RYR3: variants seen among roughly 807,000 people sequenced by gnomAD.
RYR3 encodes ryanodine receptor 3.
A neutral mutation model predicts 584.3 loss-of-function variants in RYR3; 207 were observed. The observed-to-expected ratio is 0.35, with a 90% CI of 0.32 to 0.40. The LOEUF (loss-of-function observed/expected upper bound fraction) is 0.40. Ranked by LOEUF, RYR3 falls within the 10% of genes least tolerant of loss-of-function variation. The pLI, the probability that RYR3 is intolerant of heterozygous loss-of-function variation, is 1.00. For missense variants in RYR3, 5,616 were observed against 6,089.2 expected, an observed-to-expected ratio of 0.92 and a Z score of 2.59; for synonymous variants, 2,416 against 2,248.5, an observed-to-expected ratio of 1.07 and a Z score of -2.11.
At chr15:33,840,965 C>A in intron 90 of RYR3, 82 bp downstream of exon 90, 1 of 1,289,498 alleles carries the variant, frequency 7.8e-7, no homozygotes, top group Non-Finnish European at 1.1e-6. Flanking sequence ...CACCTGTAAT[C>A]CCAGCACTTT....
In RYR3 at chr15:33,591,607, T is replaced by G. The variant is rs138084021; in HGVS notation, c.1788+5491T>G. On this transcript the variant is annotated intron_variant, in intron 16 of 103. Transcript: ENST00000634891. ...AACAGTCACTGTAGTTTTTCCAGAG[T>G]AAGATTCTGCTAATATAAATAATGT... is the stretch of plus-strand genomic sequence containing the variant. Among the ~76,000 whole-genome samples the G allele has an allele frequency of 7.6e-3, 1,155 of 152,324 alleles. 13 individuals are homozygous for G. Among genetic ancestry groups the G allele is most frequent in the African/African-American group, 0.026 (1,091 of 41,576 alleles).
rs531369588 is a variant in RYR3, at chr15:33,488,013, G to A, written c.171+14475G>A. Among the ~76,000 whole-genome samples the A allele has an allele frequency of 1.2e-3, 178 of 152,288 alleles. 1 individual carries two copies. Among genetic ancestry groups the A allele is most frequent in the African/African-American group, 4.2e-3 (176 of 41,546 alleles). On this transcript the variant is annotated intron_variant, in intron 2 of 103. Coordinates refer to ENST00000634891, the MANE Select transcript of RYR3 (RefSeq NM_001036.6). The stretch of plus-strand genomic sequence containing the variant: ...TGCAACACATGTCAAGTTTATTAAT[G>A]TATTTGTCATTTGTTGAACCCATAG...
chr15:33,327,203 CAG>C (rs1191830888), intron 1 of RYR3, among the ~76,000 whole-genome samples: 13 of 152,270 alleles, frequency 8.5e-5, no homozygotes, highest in African/African-American at 3.1e-4. Flanking sequence ...ATGTAGAAAA[CAG>C]AAGCTGATGA....
At chr15:33,466,758 A>C (rs1251544027) in intron 1 of RYR3, among the ~76,000 whole-genome samples, 3 of 152,220 alleles carry the variant, frequency 2.0e-5, no homozygotes, top group Non-Finnish European at 2.9e-5. Context: ...ACATAAGCAT[A>C]TTTGTTAATA....
At chr15:33,376,441 T>C (rs2040748123) in intron 1 of RYR3, among the ~76,000 whole-genome samples, 2 of 152,232 alleles carry the variant, frequency 1.3e-5, no homozygotes, top group African/African-American at 4.8e-5. Context: ...AAATAAGTCC[T>C]TGTGGACATA....
At chr15:33,670,142 T>A (rs549708610) in intron 37 of RYR3, among the ~76,000 whole-genome samples, 3 of 152,104 alleles carry the variant, frequency 2.0e-5, no homozygotes, top group Admixed American at 2.0e-4. Context: ...GTGTATGTAA[T>A]CCCCCTTACA....
chr15:33,663,112 C>A (rs1348030358), intron 35 of RYR3, among the ~76,000 whole-genome samples, 164 bp downstream of exon 35: 4 of 152,070 alleles, frequency 2.6e-5, no homozygotes, highest in African/African-American at 9.7e-5. Flanking sequence ...TGAATAAGTT[C>A]TAAAAGTGAT....
chr15:33,824,145 C>A (rs375213965), intron 81 of RYR3, among the ~76,000 whole-genome samples: 15 of 152,142 alleles, frequency 9.9e-5, no homozygotes, highest in African/African-American at 3.4e-4. Context: ...ATCAAGGCAA[C>A]TCAATTCCAT....
chr15:33,339,781 C>T (rs914859763), intron 1 of RYR3, among the ~76,000 whole-genome samples: 3 of 149,356 alleles, frequency 2.0e-5, no homozygotes, highest in South Asian at 2.1e-4. Context: ...CCCAGCTACT[C>T]GGGAGGCTGA....
rs1448606084 is a variant in RYR3, at chr15:33,780,334, G to C, written c.9261G>C (p.Glu3087Asp). Reference protein sequence around the residue: ...LSVFNTKTPRERSILGMPDTV... With the variant: ...LSVFNTKTPRDRSILGMPDTV... ...TCTTCAACACCAAAACCCCCAGGGA[G>C]AGGTCTAGTAAGTATCTCCCCTCAA... is the stretch of plus-strand genomic sequence containing the variant. Residue 3087 changes from glutamate (E) to aspartate (D), a missense_variant, in exon 65 of 104, where the codon GAG becomes GAC. Around this residue, in one of 9 missense-constraint regions of RYR3, gnomAD observed 954 missense variants for 1,132.2 expected, o/e 0.84. Transcript: ENST00000634891. The C allele has an allele frequency of 6.2e-7, 1 of 1,613,814 alleles. No homozygotes were observed. The highest frequency in any genetic ancestry group is 8.5e-7 in the Non-Finnish European group (1 of 1,179,804).
chr15:33,663,730 A>T lies in RYR3; in HGVS notation c.5612A>T (p.Gln1871Leu). The T allele has an allele frequency of 6.2e-7, 1 of 1,604,712 alleles. No homozygotes were observed. The highest frequency in any genetic ancestry group is 8.5e-7 in the Non-Finnish European group (1 of 1,176,326). ...RKTKEFRSPP[Q>L]EQINMLLNFQ... ...ACCAAGGAGTTCCGCTCACCCCCAC[A>T]GGAGCAGGTGAGGGTCCTTCCTGAG... is the stretch of plus-strand genomic sequence containing the variant. Residue 1871 changes from glutamine (Q) to leucine (L), a missense_variant, in exon 36 of 104, where the codon CAG becomes CTG. Gln to Leu is a moderately radical substitution (Grantham distance 113). This residue lies in a region of RYR3 where 1,280 missense variants were observed against 1,426.2 expected (regional missense o/e 0.90). Transcript: ENST00000634891.
intron 1 of RYR3, among the ~76,000 whole-genome samples, chr15:33,389,157 A>G (rs992054608): frequency 1.3e-5 from 2 of 151,590 alleles, no homozygotes; most frequent in Non-Finnish European, 2.9e-5. Context: ...CAGCACACCA[A>G]CATGGCACAT....
Position 33,739,864 on chromosome 15 carries a change from G to T in RYR3, c.7689G>T (p.Leu2563=). The T allele has an allele frequency of 1.2e-6, 2 of 1,613,670 alleles. No individual in the cohort carries two copies. The highest frequency in any genetic ancestry group is 1.7e-6 in the Non-Finnish European group (2 of 1,179,790). Residue 2563 remains leucine (L), a synonymous_variant, in exon 51 of 104, where the codon CTG becomes CTT. Coordinates refer to ENST00000634891, the MANE Select transcript of RYR3 (RefSeq NM_001036.6). ...ACCCAGATCTTTTCCGAATGGCCCT[G>T]CCTTGTCTCAGTGCTATAGCTGGGG... The part of the protein sequence containing the change: ...KYDPDLFRMA[L]PCLSAIAGAL...
In RYR3 at chr15:33,633,247, T is replaced by C. The variant is rs561677074; in HGVS notation, c.3027+139T>C. 6.2e-5 allele frequency: 49 copies of C among 795,384 alleles called. No homozygotes were observed. In the East Asian group the frequency reaches 1.3e-3, roughly 21 times the overall value. 49.3% of individuals were successfully genotyped at this position (795,384 alleles called of 1,614,324 possible). Reference sequence around the variant, plus strand: ...CCCTCACACCTCAGTGTGTTCATTATTTATGGAATCATGGGGCTGGACAGA... The same window carrying C: ...CCCTCACACCTCAGTGTGTTCATTACTTATGGAATCATGGGGCTGGACAGA... On this transcript the variant is annotated intron_variant, in intron 24 of 103. Coordinates refer to ENST00000634891, the MANE Select transcript of RYR3 (RefSeq NM_001036.6).
In RYR3 at chr15:33,837,684, T is replaced by C; in HGVS notation, c.11704T>C (p.Ser3902Pro). Residue 3902 changes from serine to proline, a missense_variant, in exon 89 of 104, where the codon TCA (serine) becomes CCA (proline). Transcript: ENST00000634891. ...GCAGATGGTTGACACACTGGTAGAA[T>C]CATCTACCAATGTAGAAATGATCTT... is the stretch of plus-strand genomic sequence containing the variant. Reference protein sequence around the residue: ...GKQMVDTLVESSTNVEMILKF... With the variant: ...GKQMVDTLVEPSTNVEMILKF... 2 of 1,605,398 alleles carry C rather than the reference T, an allele frequency of 1.2e-6. No individual in the cohort carries two copies. The highest frequency in any genetic ancestry group is 1.7e-6 in the Non-Finnish European group (2 of 1,174,944).
intron 1 of RYR3, among the ~76,000 whole-genome samples, chr15:33,431,605 A>C (rs28416549): frequency 0.021 from 3,175 of 152,196 alleles, 54 homozygotes; most frequent in Non-Finnish European, 0.027. Context: ...TGCAAAAAAA[A>C]ATATGAAAAA....
chr15:33,793,898 CACA>C (rs563431442), intron 67 of RYR3, among the ~76,000 whole-genome samples: 1 of 140,452 alleles, frequency 7.1e-6, no homozygotes, highest in Admixed American at 7.8e-5. Flanking sequence ...ACACTTTACA[CACA>C]ACACCTTACA....
At chr15:33,757,424 T>C (rs1328847826) in intron 59 of RYR3, 51 bp from the exon 60 acceptor site, 7 of 1,565,772 alleles carry the variant, frequency 4.5e-6, no homozygotes, top group Non-Finnish European at 6.1e-6. Context: ...ATGAACCAAA[T>C]GAAGAGTTTT....
At chr15:33,661,834 A>G (rs949482799) in intron 34 of RYR3, among the ~76,000 whole-genome samples, 2 of 152,200 alleles carry the variant, frequency 1.3e-5, no homozygotes, top group African/African-American at 2.4e-5. Context: ...CCTACAAGTA[A>G]GACGACCAAG....
Sources: gnomAD v4.1 joint callset for allele counts (sites outside exome capture counted in the v4.1 genomes callset) on GRCh38, gnomAD v4.1.1 for gene constraint, gnomAD v4.1.1 regional missense constraint, MANE v1.5 for transcripts, NCBI Gene and HGNC (gene_info 2026-07-23, HGNC 2026-07-21) for gene names.